Variants in NTM observed in about 807,000 individuals in gnomAD.
NTM encodes IgLON family member 2.
A neutral mutation model predicts 42.1 loss-of-function variants in NTM; 13 were observed. The ratio of observed to expected loss-of-function variants is 0.31; its 90% CI spans 0.20 to 0.49. NTM has a LOEUF of 0.49. Among genes scored for constraint, NTM ranks in the 20% least tolerant of loss-of-function variants. The pLI, the probability that NTM is intolerant of heterozygous loss-of-function variation, is 0.99. For synonymous variants in NTM, 187 were observed against 179.2 expected, an observed-to-expected ratio of 1.04 and a Z score of -0.35; for missense variants, 373 against 452.8, an observed-to-expected ratio of 0.82 and a Z score of 1.60.
rs2082680019 is a variant in NTM, at chr11:131,752,420, A to G, written c.83-159144A>G. ...GCTGGAGAGGATGTGGAGAAATAGG[A>G]ACACTTTTACATCGCTGGTGGGACT... On this transcript the variant is annotated intron_variant, in intron 1 of 8. Transcript: ENST00000683400. Among the ~76,000 whole-genome samples the G allele has an allele frequency of 3.9e-5, 6 of 152,348 alleles. No homozygotes were observed. The South Asian group carries it at 1.2e-3, about 32-fold the overall frequency.
intron 1 of NTM, among the ~76,000 whole-genome samples, chr11:131,634,397 G>GA (rs56158370): frequency 0.018 from 2,578 of 146,844 alleles, 75 homozygotes; most frequent in African/African-American, 0.059. Context: ...AAGCCCCCTG[G>GA]AAAAAAAAAA....
chr11:131,412,058 G>A (rs1946482338), intron 1 of NTM, among the ~76,000 whole-genome samples: 1 of 152,180 alleles, frequency 6.6e-6, no homozygotes, highest in African/African-American at 2.4e-5. Flanking sequence ...GCCTGGCAAA[G>A]TGTTTTTCAG....
intron 1 of NTM, among the ~76,000 whole-genome samples, chr11:131,708,264 A>C (rs2076784776): frequency 6.6e-6 from 1 of 152,180 alleles, no homozygotes; most frequent in Non-Finnish European, 1.5e-5. Context: ...TAAACTGAAA[A>C]TATGAAGAGC....
intron 2 of NTM, among the ~76,000 whole-genome samples, chr11:131,951,717 G>T (rs902062736): frequency 6.6e-6 from 1 of 151,546 alleles, no homozygotes; most frequent in African/African-American, 2.4e-5. Context: ...AGCTACTCAG[G>T]AGGCTGAGGC....
chr11:131,931,562 C>A (rs1289709439), intron 2 of NTM, among the ~76,000 whole-genome samples: 1 of 151,184 alleles, frequency 6.6e-6, no homozygotes, highest in African/African-American at 2.4e-5. Flanking sequence ...GGGCTTTTTG[C>A]ACACACATCC....
Position 132,269,243 on chromosome 11 carries a change from G to T in NTM, c.527-38446G>T, listed in dbSNP as rs116479454. On this transcript the variant is annotated intron_variant, in intron 4 of 8. Coordinates refer to ENST00000683400, the MANE Select transcript of NTM (RefSeq NM_001352005.2). ...CTGCTTCGTATGCATTCTATTGCAG[G>T]TGTAGAGATCTGGAGAGAAGGACAG... 6.9e-3 allele frequency among the ~76,000 whole-genome samples: 1,050 copies of T among 152,298 alleles called. 14 individuals are homozygous for T. Among genetic ancestry groups the T allele is most frequent in the African/African-American group, 0.024 (1,010 of 41,564 alleles).
chr11:131,578,710 C>T (rs558131516), intron 1 of NTM, among the ~76,000 whole-genome samples: 2 of 152,288 alleles, frequency 1.3e-5, no homozygotes, highest in African/African-American at 4.8e-5. Context: ...TCAATATCTG[C>T]ATCTATGGAC....
At chr11:131,374,319 A>G (rs1288397819) in intron 1 of NTM, among the ~76,000 whole-genome samples, 1 of 152,214 alleles carries the variant, frequency 6.6e-6, no homozygotes. Context: ...CCGTCTGAGC[A>G]TTCGCTCAAG....
chr11:131,675,062 G>A (rs78930157), intron 1 of NTM, among the ~76,000 whole-genome samples: 4,980 of 152,196 alleles, frequency 0.033, 276 homozygotes, highest in African/African-American at 0.11. Context: ...CTCAACCTTC[G>A]CCTAGCACCC....
intron 1 of NTM, among the ~76,000 whole-genome samples, chr11:131,455,206 G>A (rs1389755872): frequency 6.6e-6 from 1 of 152,212 alleles, no homozygotes; most frequent in Admixed American, 6.5e-5. Context: ...ATCTGCAACT[G>A]TAATGCAACA....
intron 1 of NTM, among the ~76,000 whole-genome samples, chr11:131,898,434 C>T (rs924914648): frequency 3.3e-5 from 5 of 152,148 alleles, no homozygotes; most frequent in South Asian, 2.1e-4. Context: ...TTGCTGAGAT[C>T]GAGTGATTAT....
intron 1 of NTM, among the ~76,000 whole-genome samples, chr11:131,819,373 G>T (rs889708209): frequency 6.6e-6 from 1 of 152,266 alleles, no homozygotes; most frequent in Middle Eastern, 3.4e-3. Flanking sequence ...AGATGCCCTA[G>T]ATGATTATTG....
At chr11:131,568,334 G>C (rs1333762401) in intron 1 of NTM, among the ~76,000 whole-genome samples, 1 of 152,196 alleles carries the variant, frequency 6.6e-6, no homozygotes, top group Non-Finnish European at 1.5e-5. Context: ...TACAGAGAAA[G>C]AAACTCACTG....
intron 2 of NTM, among the ~76,000 whole-genome samples, chr11:132,116,278 G>A (rs2063879778): frequency 6.6e-6 from 1 of 152,288 alleles, no homozygotes; most frequent in South Asian, 2.1e-4. Flanking sequence ...TTAAGTAGGG[G>A]CCAGGCCAAT....
intron 1 of NTM, among the ~76,000 whole-genome samples, chr11:131,861,769 A>C (rs2046658880): frequency 6.6e-6 from 1 of 152,212 alleles, no homozygotes; most frequent in Non-Finnish European, 1.5e-5. Flanking sequence ...AAAGAAAAAA[A>C]GGTGTTGTAG....
intron 1 of NTM, among the ~76,000 whole-genome samples, chr11:131,847,662 T>C (rs1396693982): frequency 6.6e-6 from 1 of 152,132 alleles, no homozygotes; most frequent in Admixed American, 6.5e-5. Flanking sequence ...ATGAACCATT[T>C]CTTACCTCTA....
intron 2 of NTM, among the ~76,000 whole-genome samples, chr11:131,934,944 G>C (rs992941399): frequency 1.3e-5 from 2 of 152,188 alleles, no homozygotes; most frequent in Non-Finnish European, 2.9e-5. Context: ...GACATGCTCC[G>C]AGCCTCTGGG....
intron 1 of NTM, among the ~76,000 whole-genome samples, chr11:131,720,622 G>T (rs2078219182): frequency 6.6e-6 from 1 of 152,200 alleles, no homozygotes. Context: ...CCAGCACCTA[G>T]ACTTGAACTC....
At chr11:131,375,389 A>G (rs995344253) in intron 1 of NTM, among the ~76,000 whole-genome samples, 1 of 152,246 alleles carries the variant, frequency 6.6e-6, no homozygotes, top group African/African-American at 2.4e-5. Context: ...TTGAAATTCA[A>G]TAAAACCAAT....
Sources: gnomAD v4.1 joint callset for allele counts (sites outside exome capture counted in the v4.1 genomes callset) on GRCh38, gnomAD v4.1.1 for gene constraint, MANE v1.5 for transcripts, NCBI Gene and HGNC (gene_info 2026-07-23, HGNC 2026-07-21) for gene names.